CTIF: variants seen among roughly 807,000 people sequenced by gnomAD.
The protein encoded by CTIF is CBP80/20-dependent translation initiation factor.
CTIF carries 21 observed loss-of-function variants against 66.0 expected under a neutral mutation model. The ratio of observed to expected loss-of-function variants is 0.32; its 90% CI spans 0.23 to 0.46. CTIF has a LOEUF of 0.46. Ranked by LOEUF, CTIF falls within the 20% of genes least tolerant of loss-of-function variation. The pLI is 1.00. For synonymous variants in CTIF, 345 were observed against 326.4 expected, an observed-to-expected ratio of 1.06 and a Z score of -0.62; for missense variants, 739 against 812.7, an observed-to-expected ratio of 0.91 and a Z score of 1.10.
chr18:48,727,036 C>A (rs115959218), intron 7 of CTIF, among the ~76,000 whole-genome samples: 84 of 151,518 alleles, frequency 5.5e-4, no homozygotes, highest in African/African-American at 2.0e-3. Flanking sequence ...CACTCTTGAT[C>A]TGTAGGCCTG....
rs1369355259 is a variant in CTIF, at chr18:48,817,286, C to T, written c.1437C>T (p.Thr479=). The change falls in exon 10 of 12, where the codon ACC becomes ACT. Residue 479 remains threonine, a synonymous_variant. Transcript: ENST00000256413. ...QDVERWLGFI[T]FLCEVFGTMR... ...TGGAGCGCTGGCTGGGCTTCATCACCTTCCTGTGCGAGGTCTTCGGCACCA... is the reference window on the plus strand; with the variant it reads ...TGGAGCGCTGGCTGGGCTTCATCACTTTCCTGTGCGAGGTCTTCGGCACCA... The T allele has an allele frequency of 6.2e-7, 1 of 1,614,068 alleles. No homozygotes were observed. Among genetic ancestry groups the T allele is most frequent in the Non-Finnish European group, 8.5e-7 (1 of 1,179,972 alleles).
At position 48,752,621 on chromosome 18, in the gene CTIF, A is replaced by G. The variant is rs369376694; in HGVS notation, c.585-5298A>G. Among the ~76,000 whole-genome samples, 29 of 152,270 alleles carry G rather than the reference A, an allele frequency of 1.9e-4. No homozygotes were observed. In the South Asian group the frequency reaches 5.8e-3, roughly 31 times the overall value. ...CATGTAATCCTTACAACTGCCCCTC[A>G]GGTGGGGACTGGCACATCTGGAAAC... On this transcript the variant is annotated intron_variant, in intron 7 of 11. Coordinates refer to ENST00000256413, the MANE Select transcript of CTIF (RefSeq NM_014772.3).
chr18:48,695,535 C>G (rs555324347), intron 6 of CTIF, among the ~76,000 whole-genome samples: 94 of 152,352 alleles, frequency 6.2e-4, no homozygotes, highest in Non-Finnish European at 9.8e-4. Flanking sequence ...AGGTGCCACC[C>G]TAGTTCCATT....
intron 2 of CTIF, among the ~76,000 whole-genome samples, chr18:48,632,059 G>A (rs1277180266): frequency 6.6e-6 from 1 of 152,218 alleles, no homozygotes; most frequent in Non-Finnish European, 1.5e-5. Flanking sequence ...GGTGGTGCCT[G>A]TGCCACAAGA....
intron 7 of CTIF, among the ~76,000 whole-genome samples, chr18:48,744,436 T>C (rs373534250): frequency 1.3e-5 from 2 of 152,310 alleles, no homozygotes; most frequent in East Asian, 3.9e-4. Flanking sequence ...TTAAAAACTT[T>C]TGATTCTGAC....
chr18:48,618,110 C>T (rs2090430250), intron 1 of CTIF, among the ~76,000 whole-genome samples: 1 of 152,224 alleles, frequency 6.6e-6, no homozygotes. Flanking sequence ...AGCAGCATTT[C>T]TGGAACCCAG....
intron 10 of CTIF, among the ~76,000 whole-genome samples, chr18:48,846,072 A>G (rs1368296419): frequency 6.6e-6 from 1 of 152,236 alleles, no homozygotes. Context: ...AAAATCTTTC[A>G]GTGGCTCTCC....
chr18:48,661,156 T>C (rs2091337786), intron 3 of CTIF, among the ~76,000 whole-genome samples: 1 of 152,162 alleles, frequency 6.6e-6, no homozygotes, highest in Non-Finnish European at 1.5e-5. Context: ...TGGAAAAGAT[T>C]ACAGTCTACT....
chr18:48,846,627 GTAGA>G (rs1472199020), intron 10 of CTIF, among the ~76,000 whole-genome samples: 2 of 149,820 alleles, frequency 1.3e-5, no homozygotes, highest in African/African-American at 2.5e-5. Flanking sequence ...GAGTAGGTGA[GTAGA>G]TAGATGGATG....
intron 9 of CTIF, among the ~76,000 whole-genome samples, chr18:48,792,338 C>T (rs557402511): frequency 5.3e-4 from 81 of 152,138 alleles, no homozygotes; most frequent in African/African-American, 1.8e-3. Context: ...ATCAGGTCAG[C>T]GGGATGCTGG....
At chr18:48,804,074 TC>T (rs2068096873) in intron 9 of CTIF, among the ~76,000 whole-genome samples, 1 of 152,130 alleles carries the variant, frequency 6.6e-6, no homozygotes, top group Non-Finnish European at 1.5e-5. Context: ...CATCCAAGAA[TC>T]CTCAGTGTCT....
intron 6 of CTIF, among the ~76,000 whole-genome samples, chr18:48,710,632 A>G (rs2092213309): frequency 6.6e-6 from 1 of 152,208 alleles, no homozygotes; most frequent in Non-Finnish European, 1.5e-5. Flanking sequence ...GTGATCCTGC[A>G]TTTGCAGGAT....
intron 1 of CTIF, among the ~76,000 whole-genome samples, chr18:48,614,373 A>T (rs1214864028): frequency 1.3e-5 from 2 of 152,250 alleles, no homozygotes; most frequent in Non-Finnish European, 2.9e-5. Flanking sequence ...CCAAAGAATA[A>T]ACAGGGACTC....
intron 9 of CTIF, among the ~76,000 whole-genome samples, chr18:48,774,533 T>C (rs1434915819): frequency 6.6e-6 from 1 of 152,126 alleles, no homozygotes; most frequent in Non-Finnish European, 1.5e-5. Flanking sequence ...CTGCTGGCCC[T>C]TCCAGGACAG....
intron 9 of CTIF, among the ~76,000 whole-genome samples, chr18:48,776,591 C>T (rs529975228): frequency 1.7e-4 from 26 of 152,370 alleles, no homozygotes; most frequent in Admixed American, 9.8e-4. Context: ...ATAGGGGAAA[C>T]GAGGGCACTG....
intron 9 of CTIF, among the ~76,000 whole-genome samples, chr18:48,797,220 C>T (rs549463923): frequency 2.4e-4 from 36 of 152,350 alleles, no homozygotes; most frequent in Non-Finnish European, 2.5e-4. Flanking sequence ...CGATGGCTCA[C>T]ACCTGTGATC....
chr18:48,730,391 T>C (rs1259377519), intron 7 of CTIF, among the ~76,000 whole-genome samples: 1 of 52,212 alleles, frequency 1.9e-5, no homozygotes, highest in African/African-American at 7.4e-5. Context: ...GGGCTCCTGC[T>C]GTGTGAGGGG....
chr18:48,721,687 G>A (rs780396009), intron 7 of CTIF, among the ~76,000 whole-genome samples: 1 of 152,208 alleles, frequency 6.6e-6, no homozygotes, highest in South Asian at 2.1e-4. Context: ...GCCATGTGAT[G>A]GCAGATACGA....
At chr18:48,849,490 G>A (rs540578507) in intron 10 of CTIF, among the ~76,000 whole-genome samples, 160 of 151,286 alleles carry the variant, frequency 1.1e-3, no homozygotes, top group Non-Finnish European at 1.6e-3. Context: ...GAGCCACCCC[G>A]CTCAGCCTGC....
Sources: allele counts gnomAD v4.1 joint callset (sites outside exome capture counted in the v4.1 genomes callset), GRCh38; gene constraint gnomAD v4.1.1; transcripts MANE v1.5; gene names NCBI Gene and HGNC (gene_info 2026-07-23, HGNC 2026-07-21).